The following ADAMTSL1 variants were observed in gnomAD, a reference collection of about 807,000 sequenced individuals.
ADAMTSL1 encodes ADAMTS like 1.
ADAMTSL1 carries 126 observed loss-of-function variants against 201.8 expected under a neutral mutation model. The ratio of observed to expected loss-of-function variants is 0.62; its 90% CI spans 0.54 to 0.72. ADAMTSL1 has a LOEUF of 0.72. ADAMTSL1 is among the 30% of genes least tolerant of loss of function. The pLI is 0.00. For synonymous variants in ADAMTSL1, 1,121 were observed against 903.4 expected, an observed-to-expected ratio of 1.24 and a Z score of -4.32; for missense variants, 2,679 against 2,277.8, an observed-to-expected ratio of 1.18 and a Z score of -3.59.
At chr9:17,974,382 A>G in intron 1 of ADAMTSL1, among the ~76,000 whole-genome samples, 1 of 152,104 alleles carries the variant, frequency 6.6e-6, no homozygotes, top group Non-Finnish European at 1.5e-5. Context: ...TAAGCTGATA[A>G]GCAACTTCAG....
intron 15 of ADAMTSL1, among the ~76,000 whole-genome samples, chr9:18,739,353 C>T (rs143507890): frequency 2.6e-4 from 39 of 152,254 alleles, no homozygotes; most frequent in African/African-American, 8.9e-4. Flanking sequence ...TCACATGTCT[C>T]CTACTTAGTA....
At chr9:18,838,724 G>A (rs1442241772) in intron 23 of ADAMTSL1, among the ~76,000 whole-genome samples, 1 of 151,472 alleles carries the variant, frequency 6.6e-6, no homozygotes, top group Non-Finnish European at 1.5e-5. Context: ...AAGCTGCTTG[G>A]GAGGCTGAGG....
At chr9:18,481,813 AAT>A (rs1821741861) in intron 1 of ADAMTSL1, among the ~76,000 whole-genome samples, 1 of 152,202 alleles carries the variant, frequency 6.6e-6, no homozygotes, top group African/African-American at 2.4e-5. Context: ...TTTTTTAGTT[AAT>A]ATTCTTTAGG....
chr9:18,782,566 G>A (rs368796516), intron 19 of ADAMTSL1, among the ~76,000 whole-genome samples: 34 of 152,114 alleles, frequency 2.2e-4, no homozygotes, highest in Admixed American at 5.9e-4. Flanking sequence ...GGCACCAAAC[G>A]TACTAAATAA....
At chr9:18,705,141 A>G (rs905325973) in intron 13 of ADAMTSL1, among the ~76,000 whole-genome samples, 2 of 152,160 alleles carry the variant, frequency 1.3e-5, no homozygotes, top group African/African-American at 2.4e-5. Flanking sequence ...TAGAATTTCA[A>G]TTTCCCTGAA....
At chr9:18,190,127 C>A (rs1438950995) in intron 2 of ADAMTSL1, among the ~76,000 whole-genome samples, 2 of 152,178 alleles carry the variant, frequency 1.3e-5, no homozygotes, top group African/African-American at 4.8e-5. Context: ...GTCACAGAAG[C>A]TCAGAAATTC....
chr9:18,307,868 T>C (rs1369564033), intron 2 of ADAMTSL1, among the ~76,000 whole-genome samples: 2 of 152,076 alleles, frequency 1.3e-5, no homozygotes, highest in African/African-American at 4.8e-5. Context: ...ATAGGACTCT[T>C]CACCCAAAAT....
chr9:17,943,356 T>C (rs1827319948), intron 1 of ADAMTSL1, among the ~76,000 whole-genome samples: 2 of 152,146 alleles, frequency 1.3e-5, no homozygotes, highest in African/African-American at 2.4e-5. Flanking sequence ...CATGTTGAAT[T>C]ATTGTATTTT....
At chr9:18,334,011 T>G (rs545959799) in intron 2 of ADAMTSL1, among the ~76,000 whole-genome samples, 2 of 152,146 alleles carry the variant, frequency 1.3e-5, no homozygotes, top group South Asian at 4.1e-4. Context: ...TAAGTGGAGA[T>G]TTCCTAGGCA....
At chr9:18,511,577 T>C (rs1217157487) in intron 2 of ADAMTSL1, among the ~76,000 whole-genome samples, 1 of 152,060 alleles carries the variant, frequency 6.6e-6, no homozygotes, top group Non-Finnish European at 1.5e-5. Context: ...GGTGTCAACA[T>C]AAATACAGAA....
chr9:18,104,518 A>G (rs1332270713), intron 1 of ADAMTSL1, among the ~76,000 whole-genome samples: 1 of 152,078 alleles, frequency 6.6e-6, no homozygotes, highest in African/African-American at 2.4e-5. Context: ...CACTTGGGCT[A>G]CCTCTGGGAG....
At chr9:17,965,318 A>G (rs2131410017) in intron 1 of ADAMTSL1, among the ~76,000 whole-genome samples, 1 of 152,326 alleles carries the variant, frequency 6.6e-6, no homozygotes, top group South Asian at 2.1e-4. Context: ...GATACAACCC[A>G]AATTTAGCAC....
chr9:18,324,805 T>A (rs1834764899), intron 2 of ADAMTSL1, among the ~76,000 whole-genome samples: 1 of 151,708 alleles, frequency 6.6e-6, no homozygotes, highest in Admixed American at 6.6e-5. Flanking sequence ...TTTAAATGTA[T>A]CTTCACCAAA....
At chr9:18,572,336 T>C (rs142773025) in intron 3 of ADAMTSL1, among the ~76,000 whole-genome samples, 2,156 of 152,332 alleles carry the variant, frequency 0.014, 19 homozygotes, top group Middle Eastern at 0.024. Context: ...ACAGCCTGTA[T>C]AGCACACATA....
intron 9 of ADAMTSL1, among the ~76,000 whole-genome samples, chr9:18,672,535 T>A (rs750263420): frequency 4.0e-4 from 61 of 152,228 alleles, no homozygotes; most frequent in Non-Finnish European, 2.2e-4. Flanking sequence ...CATCTGTGTG[T>A]ATACATGTGT....
chr9:18,815,751 A>G (rs1052293357), intron 20 of ADAMTSL1, among the ~76,000 whole-genome samples: 1 of 151,516 alleles, frequency 6.6e-6, no homozygotes, highest in African/African-American at 2.4e-5. Flanking sequence ...AAAAAAAAGA[A>G]ATCCTGTTAT....
At chr9:17,980,282 T>G (rs1344839536) in intron 1 of ADAMTSL1, among the ~76,000 whole-genome samples, 1 of 152,156 alleles carries the variant, frequency 6.6e-6, no homozygotes, top group Non-Finnish European at 1.5e-5. Context: ...GGGATGTGTG[T>G]CAGAAATTCC....
At chr9:18,502,517 G>T (rs1232096607) in intron 1 of ADAMTSL1, among the ~76,000 whole-genome samples, 1 of 152,060 alleles carries the variant, frequency 6.6e-6, no homozygotes, top group Non-Finnish European at 1.5e-5. Context: ...ATACATCATT[G>T]GCAAAGAGTC....
At chr9:17,939,546 G>T (rs565328801) in intron 1 of ADAMTSL1, among the ~76,000 whole-genome samples, 8 of 152,190 alleles carry the variant, frequency 5.3e-5, no homozygotes, top group African/African-American at 1.9e-4. Context: ...ATGTATGACT[G>T]TTGACATATA....
Sources: gnomAD v4.1 joint callset for allele counts (sites outside exome capture counted in the v4.1 genomes callset) on GRCh38, gnomAD v4.1.1 for gene constraint, MANE v1.5 for transcripts, NCBI Gene and HGNC (gene_info 2026-07-23, HGNC 2026-07-21) for gene names.